CHRM3: variants seen among roughly 807,000 people sequenced by gnomAD.
CHRM3 encodes cholinergic receptor muscarinic 3.
In CHRM3, 11 loss-of-function variants were observed where a neutral mutation model predicts 41.8. The ratio of observed to expected loss-of-function variants is 0.26; its 90% confidence interval spans 0.17 to 0.44. CHRM3 has a LOEUF of 0.44. Among genes scored for constraint, CHRM3 ranks in the 20% least tolerant of loss-of-function variants. The probability of loss-of-function intolerance (pLI) is 1.00; values close to 1 mark genes in which losing one functional copy is unlikely to be tolerated. For synonymous variants in CHRM3, 297 were observed against 301.4 expected (o/e 0.99, Z 0.15); for missense variants, 571 against 745.4 (o/e 0.77, Z 2.72).
In CHRM3 at chr1:239,641,820, G is replaced by A. The variant is rs1360780800; in HGVS notation, c.-250+9534G>A. The stretch of plus-strand genomic sequence containing the variant: ...TGATCCTGTCATTATGATGTTAGCT[G>A]GTTATTTTGCTCGTTAGTTGATGCA... On this transcript the variant is annotated intron_variant, in intron 4 of 6. Transcript: ENST00000676153. 1.6e-5 allele frequency among the ~76,000 whole-genome samples: 2 copies of A among 127,550 alleles called. 1 individual carries two copies. The highest frequency in any genetic ancestry group is 6.3e-5 in the African/African-American group (2 of 31,792). The allele number at this position is 127,550 out of a possible 152,430, so 83.7% of individuals were successfully genotyped here.
At chr1:239,878,192 A>G (rs1677281465) in intron 6 of CHRM3, among the ~76,000 whole-genome samples, 1 of 152,040 alleles carries the variant, frequency 6.6e-6, no homozygotes, top group South Asian at 2.1e-4. Context: ...ATATATAATG[A>G]AATAATTATA....
At chr1:239,722,146 G>A (rs1016103566) in intron 5 of CHRM3, among the ~76,000 whole-genome samples, 7 of 151,910 alleles carry the variant, frequency 4.6e-5, no homozygotes, top group Non-Finnish European at 8.8e-5. Flanking sequence ...GCCAAAGTCT[G>A]TGAAGCAATG....
At chr1:239,635,306 C>T (rs1223892171) in intron 4 of CHRM3, among the ~76,000 whole-genome samples, 2 of 152,186 alleles carry the variant, frequency 1.3e-5, no homozygotes. Flanking sequence ...TCCTTCAACT[C>T]CCTCCCCTAC....
intron 4 of CHRM3, among the ~76,000 whole-genome samples, chr1:239,671,203 A>G (rs1294279072): frequency 6.6e-6 from 1 of 152,156 alleles, no homozygotes; most frequent in Non-Finnish European, 1.5e-5. Flanking sequence ...ATTCTAATCA[A>G]CCATTTCTTC....
intron 6 of CHRM3, among the ~76,000 whole-genome samples, chr1:239,828,008 C>T (rs606238): frequency 0.98 from 149,093 of 152,330 alleles, 73,053 homozygotes; most frequent in Middle Eastern, 1. Flanking sequence ...ATAAATTATT[C>T]ATTCCTCATT....
intron 1 of CHRM3, among the ~76,000 whole-genome samples, chr1:239,475,097 GAAC>G (rs1162389100): frequency 6.6e-6 from 1 of 151,786 alleles, no homozygotes; most frequent in African/African-American, 2.4e-5. Context: ...GGTCTGTGAA[GAAC>G]AAAAAACAAT....
chr1:239,787,371 G>A lies in CHRM3; in HGVS notation c.-146-39881G>A, dbSNP rs1200348544. Among the ~76,000 whole-genome samples the A allele has an allele frequency of 2.6e-5, 3 of 114,958 alleles. No individual in the cohort carries two copies. The East Asian group carries it at 9.0e-4, about 35-fold the overall frequency. 75.4% of individuals were successfully genotyped at this position (114,958 alleles called of 152,430 possible). On this transcript the variant is annotated intron_variant, in intron 5 of 6. Transcript: ENST00000676153. ...TGCATATGGACTGAGGAGCCCCCAG[G>A]GCAGAGGATGAAGCCTTGGCAGTAA...
At chr1:239,657,503 A>T (rs895576511) in intron 4 of CHRM3, among the ~76,000 whole-genome samples, 1 of 152,238 alleles carries the variant, frequency 6.6e-6, no homozygotes, top group African/African-American at 2.4e-5. Context: ...CTAACAAAGA[A>T]GGTTCAGCAG....
At chr1:239,743,788 C>CTTTTTTTTTTTTTTTTTTTTTTTTTTTTT (rs10718514) in intron 5 of CHRM3, among the ~76,000 whole-genome samples, 69 of 81,202 alleles carry the variant, frequency 8.5e-4, no homozygotes, top group South Asian at 1.1e-3. Flanking sequence ...TTTTTTTTTT[C>CTTTTTTTTTTTTTTTTTTTTTTTTTTTTT]TTTTTTTTTT....
At chr1:239,428,277 G>A (rs1056879433) in intron 1 of CHRM3, among the ~76,000 whole-genome samples, 3 of 152,178 alleles carry the variant, frequency 2.0e-5, no homozygotes, top group Non-Finnish European at 2.9e-5. Flanking sequence ...GCAAGAGTTT[G>A]GTATTCTCCA....
chr1:239,523,952 C>T (rs543371036), intron 2 of CHRM3, among the ~76,000 whole-genome samples: 13 of 152,178 alleles, frequency 8.5e-5, no homozygotes, highest in African/African-American at 3.1e-4. Context: ...ACACACAGCA[C>T]ATTAAATGAA....
chr1:239,710,702 AT>A (rs1323473864), intron 5 of CHRM3, among the ~76,000 whole-genome samples: 1 of 152,026 alleles, frequency 6.6e-6, no homozygotes, highest in Non-Finnish European at 1.5e-5. Flanking sequence ...GTAAATTAAT[AT>A]TTTTTTCTTA....
intron 4 of CHRM3, among the ~76,000 whole-genome samples, chr1:239,649,876 A>G (rs1393490178): frequency 2.0e-5 from 3 of 152,210 alleles, no homozygotes; most frequent in Admixed American, 1.3e-4. Flanking sequence ...TTTCCTAACT[A>G]CAAGGTACTA....
At chr1:239,851,925 G>A (rs946327668) in intron 6 of CHRM3, among the ~76,000 whole-genome samples, 5 of 152,080 alleles carry the variant, frequency 3.3e-5, no homozygotes, top group Non-Finnish European at 7.3e-5. Context: ...GAGCTTATTA[G>A]AGGTGAAGAC....
intron 1 of CHRM3, among the ~76,000 whole-genome samples, chr1:239,459,626 G>A (rs909003627): frequency 6.6e-6 from 1 of 152,058 alleles, no homozygotes; most frequent in Non-Finnish European, 1.5e-5. Flanking sequence ...AATAGATATG[G>A]TTTTATTTTC....
intron 6 of CHRM3, among the ~76,000 whole-genome samples, chr1:239,840,860 G>A (rs759018936): frequency 6.6e-6 from 1 of 152,156 alleles, no homozygotes; most frequent in East Asian, 1.9e-4. Flanking sequence ...ATTGAGTACC[G>A]TCACTGTTTG....
At chr1:239,565,814 A>G (rs1031705390) in intron 3 of CHRM3, among the ~76,000 whole-genome samples, 1 of 152,100 alleles carries the variant, frequency 6.6e-6, no homozygotes, top group Non-Finnish European at 1.5e-5. Flanking sequence ...CTTGTTTTAT[A>G]TCACTTCCAA....
intron 6 of CHRM3, among the ~76,000 whole-genome samples, chr1:239,879,542 A>AAGGAAG (rs1677412309): frequency 6.6e-6 from 1 of 152,240 alleles, no homozygotes. Context: ...TTCCCCAGGC[A>AAGGAAG]AGGAAGCCAT....
intron 2 of CHRM3, among the ~76,000 whole-genome samples, chr1:239,505,240 G>A (rs1668490475): frequency 6.7e-6 from 1 of 150,134 alleles, no homozygotes; most frequent in Admixed American, 6.7e-5. Context: ...GAGGCATATT[G>A]TTCAGTAACT....
Sources: gnomAD v4.1 joint callset for allele counts (sites outside exome capture counted in the v4.1 genomes callset) on GRCh38, gnomAD v4.1.1 for gene constraint, MANE v1.5 for transcripts, NCBI Gene and HGNC (gene_info 2026-07-23, HGNC 2026-07-21) for gene names.